TBC1D1: variants seen among roughly 807,000 people sequenced by gnomAD.
TBC1D1 encodes the protein TBC1 (tre-2/USP6, BUB2, cdc16) domain family, member 1.
In TBC1D1, 89 loss-of-function variants were observed where a neutral mutation model predicts 125.6. The ratio of observed to expected loss-of-function variants is 0.71; its 90% CI spans 0.60 to 0.85. TBC1D1 has a LOEUF of 0.85. TBC1D1 is among the 40% of genes least tolerant of loss of function. TBC1D1 has a pLI of 0.00. For missense variants in TBC1D1, 1,377 were observed against 1,469.2 expected (o/e 0.94, Z 1.03); for synonymous variants, 565 against 564.1 (o/e 1.00, Z -0.02).
intron 18 of TBC1D1, among the ~76,000 whole-genome samples, chr4:38,129,709 C>G (rs1037192687): frequency 6.6e-6 from 1 of 151,908 alleles, no homozygotes. Context: ...AGCAAATGAG[C>G]CAAGAACATA....
intron 18 of TBC1D1, among the ~76,000 whole-genome samples, chr4:38,125,988 A>G (rs1764570739): frequency 6.6e-6 from 1 of 152,224 alleles, no homozygotes; most frequent in Admixed American, 6.5e-5. Flanking sequence ...GTCATGTGTC[A>G]CTTAATAATA....
chr4:38,070,517 C>T (rs1183853548), intron 12 of TBC1D1, among the ~76,000 whole-genome samples: 3 of 152,182 alleles, frequency 2.0e-5, no homozygotes, highest in Non-Finnish European at 4.4e-5. Context: ...TATCTAAATC[C>T]TAGTTTAAGC....
intron 12 of TBC1D1, chr4:38,060,480 T>C (rs1752557190): frequency 5.2e-6 from 2 of 381,142 alleles, no homozygotes; most frequent in Admixed American, 3.3e-5. Flanking sequence ...TGATCAGTGA[T>C]GTTGAGCTTT....
intron 1 of TBC1D1, among the ~76,000 whole-genome samples, chr4:37,896,181 C>CACT (rs1714557375): frequency 1.3e-5 from 2 of 152,120 alleles, no homozygotes. Flanking sequence ...AGCTAGAGGC[C>CACT]ACTAGCACCC....
chr4:37,946,333 G>C (rs1726690147), intron 2 of TBC1D1, among the ~76,000 whole-genome samples: 1 of 152,166 alleles, frequency 6.6e-6, no homozygotes, highest in African/African-American at 2.4e-5. Context: ...AGAGGACTTT[G>C]CATGCTCCCA....
intron 2 of TBC1D1, among the ~76,000 whole-genome samples, chr4:37,918,941 T>C (rs1448542451): frequency 6.6e-6 from 1 of 152,216 alleles, no homozygotes; most frequent in Non-Finnish European, 1.5e-5. Context: ...TAATTCAACA[T>C]AATTGCTGAG....
At chr4:37,907,501 C>T (rs1717591024) in intron 2 of TBC1D1, among the ~76,000 whole-genome samples, 1 of 152,150 alleles carries the variant, frequency 6.6e-6, no homozygotes, top group South Asian at 2.1e-4. Context: ...CTGCCTCAGC[C>T]TCCCAAGTAG....
Position 37,995,860 on chromosome 4 carries a change from A to T in TBC1D1, c.418-18649A>T. On this transcript the variant is annotated intron_variant, in intron 2 of 19. Transcript: ENST00000261439. The surrounding 1 kb of genome is among the most constrained non-coding windows in gnomAD (Gnocchi z 4.3). ...TGGATCCATGTGATCACCAGAATGCATTTCTCTTTGAGAATCCAGACTTCT... is the reference window on the plus strand; with the variant it reads ...TGGATCCATGTGATCACCAGAATGCTTTTCTCTTTGAGAATCCAGACTTCT... The T allele has an allele frequency of 1.7e-6, 1 of 578,472 alleles. No individual in the cohort carries two copies. The highest frequency in any genetic ancestry group is 1.4e-5 in the South Asian group (1 of 72,602). The allele number at this position is 578,472 out of a possible 1,614,324, so 35.8% of individuals were successfully genotyped here.
chr4:38,005,512 G>T (rs1042100473), intron 2 of TBC1D1, among the ~76,000 whole-genome samples: 4 of 152,202 alleles, frequency 2.6e-5, no homozygotes, highest in African/African-American at 9.7e-5. Context: ...GGGTGTGCTT[G>T]TGATCCCCTA....
At chr4:37,931,723 G>A (rs914628422) in intron 2 of TBC1D1, among the ~76,000 whole-genome samples, 6 of 152,158 alleles carry the variant, frequency 3.9e-5, no homozygotes, top group Middle Eastern at 3.4e-3. Flanking sequence ...TGATCCACCC[G>A]CCTTGGCCTC....
chr4:37,891,602 G>T (rs930517904), intron 1 of TBC1D1, among the ~76,000 whole-genome samples: 2 of 133,284 alleles, frequency 1.5e-5, no homozygotes, highest in African/African-American at 2.9e-5. Context: ...CGAGAGCTCC[G>T]CCGGCTTCTC....
chr4:37,952,020 G>C, intron 2 of TBC1D1: 1 of 717,724 alleles, frequency 1.4e-6, no homozygotes, highest in Non-Finnish European at 2.6e-6. Context: ...CATCATCACT[G>C]TAGGGGACCT....
intron 2 of TBC1D1, among the ~76,000 whole-genome samples, chr4:38,012,669 T>C (rs1221233355): frequency 6.6e-6 from 1 of 152,120 alleles, no homozygotes. Flanking sequence ...CTCTGTCCTG[T>C]CTTCTTTTTA....
intron 2 of TBC1D1, among the ~76,000 whole-genome samples, chr4:37,909,579 T>G (rs952521907): frequency 1.3e-5 from 2 of 152,216 alleles, no homozygotes; most frequent in African/African-American, 4.8e-5. Flanking sequence ...AACACAGAGC[T>G]AGAGCATTTT....
At chr4:37,910,098 A>G (rs540107016) in intron 2 of TBC1D1, among the ~76,000 whole-genome samples, 1 of 152,340 alleles carries the variant, frequency 6.6e-6, no homozygotes, top group South Asian at 2.1e-4. Context: ...TAGATGCTTA[A>G]TTTTTTAAAG....
At chr4:37,893,697 G>A (rs1713879458) in intron 1 of TBC1D1, among the ~76,000 whole-genome samples, 1 of 152,146 alleles carries the variant, frequency 6.6e-6, no homozygotes, top group Admixed American at 6.6e-5. Context: ...ATGGTGGCAT[G>A]TGCCTGTAGT....
intron 2 of TBC1D1, among the ~76,000 whole-genome samples, chr4:37,984,433 G>A (rs1224636483): frequency 6.6e-6 from 1 of 152,148 alleles, no homozygotes; most frequent in Non-Finnish European, 1.5e-5. Context: ...TTGTATTCTG[G>A]AATTTGATTA....
At chr4:37,911,679 C>G (rs545175157) in intron 2 of TBC1D1, among the ~76,000 whole-genome samples, 1 of 152,132 alleles carries the variant, frequency 6.6e-6, no homozygotes. Context: ...TATTGAAATA[C>G]TACCAATGTG....
chr4:37,988,779 C>T (rs1436949994), intron 2 of TBC1D1, among the ~76,000 whole-genome samples: 2 of 152,170 alleles, frequency 1.3e-5, no homozygotes, highest in African/African-American at 2.4e-5. Context: ...CGATGGACCG[C>T]CCCCTCCTCA....
Sources: gnomAD v4.1 joint callset for allele counts (sites outside exome capture counted in the v4.1 genomes callset) on GRCh38, gnomAD v4.1.1 for gene constraint, Gnocchi (gnomAD v3.1) non-coding constraint, MANE v1.5 for transcripts, NCBI Gene and HGNC (gene_info 2026-07-23, HGNC 2026-07-21) for gene names.